DOP1A: variants seen among roughly 807,000 people sequenced by gnomAD.
DOP1A encodes the protein DOP1 leucine zipper like protein A.
DOP1A carries 90 observed loss-of-function variants against 267.6 expected under a neutral mutation model. The ratio of observed to expected loss-of-function variants is 0.34; its 90% confidence interval spans 0.28 to 0.40. DOP1A has a LOEUF of 0.40. Ranked by LOEUF, DOP1A falls within the 10% of genes least tolerant of loss-of-function variation. The probability of loss-of-function intolerance (pLI) is 1.00; values close to 1 mark genes in which losing one functional copy is unlikely to be tolerated. For synonymous variants in DOP1A, 932 were observed against 999.1 expected, an observed-to-expected ratio of 0.93 and a Z score of 1.27; for missense variants, 2,437 against 2,900.4, an observed-to-expected ratio of 0.84 and a Z score of 3.67.
chr6:83,147,389 C>T (rs1413773924), intron 26 of DOP1A, 98 bp downstream of exon 26: 34 of 546,504 alleles, frequency 6.2e-5, no homozygotes, highest in Non-Finnish European at 8.5e-5. Flanking sequence ...GTCTTAACGA[C>T]CCAGCCATGT....
rs1196371136 is a variant in DOP1A, at chr6:83,129,330, G to C, written c.2163G>C (p.Trp721Cys). 1 of 1,604,958 alleles carries C rather than the reference G, an allele frequency of 6.2e-7. No individual in the cohort carries two copies. Among genetic ancestry groups the C allele is most frequent in the Non-Finnish European group, 8.5e-7 (1 of 1,177,172 alleles). ...LGREQGETSK[W>C]DRNSQGDVKE... ...GAGAACAAGGAGAGACTTCAAAATG[G>C]GACAGAAATTCACAAGGAGATGTAA... Residue 721 changes from tryptophan to cysteine, a missense_variant, in exon 16 of 39, where the codon TGG (tryptophan) becomes TGC (cysteine). Transcript: ENST00000349129.
chr6:83,161,430 A>G (rs2128417291), intron 37 of DOP1A, among the ~76,000 whole-genome samples: 1 of 152,318 alleles, frequency 6.6e-6, no homozygotes, highest in East Asian at 1.9e-4. Flanking sequence ...TAAATTTAAA[A>G]GTATCCATGT....
intron 37 of DOP1A, chr6:83,161,042 C>T (rs930230411): frequency 1.3e-5 from 2 of 151,856 alleles, no homozygotes; most frequent in Admixed American, 1.3e-4. Flanking sequence ...AGATGTTACT[C>T]CTAAGGAAGT....
rs926968650 is a variant in DOP1A at position 83,134,218 on chromosome 6, C to T, written c.2801C>T (p.Ala934Val). ...AGGATGGAAGCACATGCCAAGTTTG[C>T]AGTTCTTTGGCATCTAACGAGAGAT... is the stretch of plus-strand genomic sequence containing the variant. ...KIRMEAHAKF[A>V]VLWHLTRDLH... The change falls in exon 19 of 39, where the codon GCA becomes GTA. Residue 934 changes from alanine (A) to valine (V), a missense_variant. Physicochemically the swap from Ala to Val is moderately conservative, Grantham distance 64. Around this residue, in one of 9 missense-constraint regions of DOP1A, gnomAD observed 878 missense variants for 992.9 expected, o/e 0.88. Transcript: ENST00000349129. 6.2e-7 allele frequency: 1 copy of T among 1,612,724 alleles called. No homozygotes were observed. The highest frequency in any genetic ancestry group is 2.2e-5 in the East Asian group (1 of 44,804).
intron 1 of DOP1A, among the ~76,000 whole-genome samples, chr6:83,073,741 G>A (rs1400091466): frequency 6.6e-6 from 1 of 152,188 alleles, no homozygotes; most frequent in East Asian, 1.9e-4. Flanking sequence ...GATTGCAGTT[G>A]GAGAACTCAC....
At position 83,138,431 on chromosome 6, in the gene DOP1A, C is replaced by G; in HGVS notation, c.4389C>G (p.Tyr1463Ter). ...TTCTTATTTCTCTCTGCTTATATTA[C>G]ATGCGTAGCCATTACCCAACTCATG... ...IEILISLCLY[Y>*]MRSHYPTHVK... is the part of the protein sequence containing the mutation. The change falls in exon 21 of 39, where the codon TAC becomes TAG. Residue 1463 changes from tyrosine to a stop codon, truncating the protein, a stop_gained. Coordinates refer to ENST00000349129, the MANE Select transcript of DOP1A (RefSeq NM_015018.4). LOFTEE classifies it high-confidence loss of function. 6.2e-7 allele frequency: 1 copy of G among 1,612,070 alleles called. No homozygotes were observed. The highest frequency in any genetic ancestry group is 8.5e-7 in the Non-Finnish European group (1 of 1,179,866).
Position 83,118,964 on chromosome 6 carries a change from G to C in DOP1A, c.857G>C (p.Arg286Pro). 6.2e-7 allele frequency: 1 copy of C among 1,613,534 alleles called. No individual in the cohort carries two copies. Among genetic ancestry groups the C allele is most frequent in the Non-Finnish European group, 8.5e-7 (1 of 1,179,638 alleles). The part of the protein sequence containing the change: ...VVLRRDMSLN[R>P]RLYAWLLGFD... Reference sequence around the variant, plus strand: ...CTAAGGAGGGATATGTCTCTGAATCGAAGACTTTATGCATGGCTTCTTGGT... The same window carrying C: ...CTAAGGAGGGATATGTCTCTGAATCCAAGACTTTATGCATGGCTTCTTGGT... Residue 286 changes from arginine (R) to proline (P), a missense_variant, in exon 8 of 39, where the codon CGA becomes CCA. By Grantham distance (103) the Arg-to-Pro change is moderately radical. Coordinates refer to ENST00000349129, the MANE Select transcript of DOP1A (RefSeq NM_015018.4).
chr6:83,098,788 G>C (rs1378395650), intron 3 of DOP1A, among the ~76,000 whole-genome samples: 1 of 152,180 alleles, frequency 6.6e-6, no homozygotes, highest in African/African-American at 2.4e-5. Context: ...GGATAGGCAT[G>C]ATTGAAGCAT....
In DOP1A at chr6:83,138,672, A is replaced by G. The variant is rs372151289; in HGVS notation, c.4630A>G (p.Ser1544Gly). 6.2e-7 allele frequency: 1 copy of G among 1,613,980 alleles called. No individual in the cohort carries two copies. The highest frequency in any genetic ancestry group is 8.5e-7 in the Non-Finnish European group (1 of 1,179,934). ...TATCTTTAGTGCTCAGAAATGGCAT[A>G]GTGAAAAAATGGCAGGTAAGAACCT... ...SSIFSAQKWH[S>G]EKMAGKNLVA... The change falls in exon 21 of 39, where the codon AGT becomes GGT. Residue 1544 changes from serine (S) to glycine (G), a missense_variant. Physicochemically the swap from Ser to Gly is moderately conservative, Grantham distance 56 (BLOSUM62 0). This residue lies in a region of DOP1A where 878 missense variants were observed against 992.9 expected (regional missense o/e 0.88). Transcript: ENST00000349129.
chr6:83,145,884 A>G (rs908458884), intron 25 of DOP1A, among the ~76,000 whole-genome samples: 1 of 152,190 alleles, frequency 6.6e-6, no homozygotes, highest in Non-Finnish European at 1.5e-5. Flanking sequence ...TCATATCTTC[A>G]TATGTACCTC....
Position 83,138,322 on chromosome 6 carries a change from G to A in DOP1A, c.4280G>A (p.Arg1427Gln), listed in dbSNP as rs147808406. The A allele has an allele frequency of 2.9e-5, 46 of 1,611,982 alleles. No individual in the cohort carries two copies. Among genetic ancestry groups the A allele is most frequent in the Non-Finnish European group, 3.7e-5 (44 of 1,179,898 alleles). ...CTTCAGAATCTATTGGCCAGACACC[G>A]GATTTCTGTTATGGGCAAAGATTTT... Reference protein sequence around the residue: ...SLLQNLLARHRISVMGKDFYS... With the variant: ...SLLQNLLARHQISVMGKDFYS... Residue 1427 changes from arginine to glutamine, a missense_variant, in exon 21 of 39, where the codon CGG becomes CAG. Arg to Gln is a conservative substitution (Grantham distance 43). This residue lies in a region of DOP1A where 878 missense variants were observed against 992.9 expected (regional missense o/e 0.88). Transcript: ENST00000349129.
chr6:83,160,313 C>T (rs1029781540), intron 37 of DOP1A, among the ~76,000 whole-genome samples: 1 of 152,164 alleles, frequency 6.6e-6, no homozygotes, highest in East Asian at 1.9e-4. Flanking sequence ...TCAGAGCAGG[C>T]CCTGAGGGCA....
At chr6:83,141,776 C>T (rs549565152) in intron 23 of DOP1A, 145 bp from the exon 24 acceptor site, 10 of 664,664 alleles carry the variant, frequency 1.5e-5, no homozygotes, top group East Asian at 3.4e-5. Context: ...TAGCTCTTAA[C>T]GTTATTAAAG....
Position 83,140,065 on chromosome 6 carries a change from C to G in DOP1A, c.5186C>G (p.Ala1729Gly). The change falls in exon 22 of 39, where the codon GCC (alanine) becomes GGC (glycine). Residue 1729 changes from alanine (A) to glycine (G), a missense_variant. This residue lies in a region of DOP1A where 307 missense variants were observed against 308.6 expected (regional missense o/e 0.99). Transcript: ENST00000349129. ...CTTACTCTTTTGGAAGGGATTACAG[C>G]CATTATCCATTACTGTTTGTTGGAT... The part of the protein sequence containing the change: ...MILTLLEGIT[A>G]IIHYCLLDPT... 1.9e-6 allele frequency: 3 copies of G among 1,613,620 alleles called. No individual in the cohort carries two copies. The highest frequency in any genetic ancestry group is 2.5e-6 in the Non-Finnish European group (3 of 1,179,708).
At chr6:83,125,331 A>T in intron 14 of DOP1A, 136 bp downstream of exon 14, 1 of 1,129,380 alleles carries the variant, frequency 8.9e-7, no homozygotes, top group East Asian at 2.6e-5. Flanking sequence ...GAATTTGGGA[A>T]TAGAAATTTT....
In DOP1A at chr6:83,159,812, G is replaced by A. The variant is rs772325644; in HGVS notation, c.6814G>A (p.Val2272Met). The A allele has an allele frequency of 3.1e-6, 5 of 1,614,148 alleles. No homozygotes were observed. The highest frequency in any genetic ancestry group is 4.2e-6 in the Non-Finnish European group (5 of 1,180,026). Residue 2272 changes from valine to methionine, a missense_variant, in exon 37 of 39, where the codon GTG (valine) becomes ATG (methionine). Val to Met is a conservative substitution (Grantham distance 21). Transcript: ENST00000349129. ...TGCTTACAGGACTTCAGGGCCCTCT[G>A]TGGCTGGTCTGGAGACAACGTACAC... ...EDISRTSGPS[V>M]AGLETTYTGG...
chr6:83,155,471 T>G (rs1325237168), intron 33 of DOP1A, among the ~76,000 whole-genome samples: 1 of 151,692 alleles, frequency 6.6e-6, no homozygotes, highest in Non-Finnish European at 1.5e-5. Context: ...CAAAGAAAAA[T>G]ACAAATAAAT....
chr6:83,119,445 A>C lies in DOP1A; in HGVS notation c.881-303A>C, dbSNP rs567752822. Among the ~76,000 whole-genome samples the C allele has an allele frequency of 1.2e-4, 19 of 152,206 alleles. No homozygotes were observed. In the South Asian group the frequency reaches 3.9e-3, roughly 32 times the overall value. ...GTTTTGTCTGTCTTCACAACTCTTT[A>C]CTGCCTAGAGTGAGGGGACATAATA... is the stretch of plus-strand genomic sequence containing the variant. On this transcript the variant is annotated intron_variant, in intron 8 of 38. Coordinates refer to ENST00000349129, the MANE Select transcript of DOP1A (RefSeq NM_015018.4).
rs1017969409 is a variant in DOP1A at position 83,113,226 on chromosome 6, G to A, written c.682-97G>A. The A allele has an allele frequency of 8.8e-6, 7 of 796,502 alleles. No homozygotes were observed. The African/African-American group carries it at 1.2e-4, about 14-fold the overall frequency. The allele number at this position is 796,502 out of a possible 1,614,324, so 49.3% of individuals were successfully genotyped here. On this transcript the variant is annotated intron_variant, in intron 6 of 38. Coordinates refer to ENST00000349129, the MANE Select transcript of DOP1A (RefSeq NM_015018.4). ...TCTTTAATTATTGATTAGATCCTCA[G>A]AAGCATACTTTCGAGAAAATAAAGA...
Sources: gnomAD v4.1 joint callset for allele counts (sites outside exome capture counted in the v4.1 genomes callset) on GRCh38, gnomAD v4.1.1 for gene constraint, gnomAD v4.1.1 regional missense constraint, MANE v1.5 for transcripts, NCBI Gene and HGNC (gene_info 2026-07-23, HGNC 2026-07-21) for gene names.